The following ATP2B2 variants were observed in gnomAD, a reference collection of about 807,000 sequenced individuals.
The protein encoded by ATP2B2 is plasma membrane calcium-transporting ATPase 2.
A neutral mutation model predicts 120.0 loss-of-function variants in ATP2B2; 15 were observed. That is an observed-to-expected ratio of 0.12 (90% confidence interval 0.08 to 0.19). ATP2B2 has a LOEUF of 0.19. Among genes scored for constraint, ATP2B2 ranks in the 10% least tolerant of loss-of-function variants. The probability of loss-of-function intolerance (pLI) is 1.00; values close to 1 mark genes in which losing one functional copy is unlikely to be tolerated. For missense variants in ATP2B2, 1,045 were observed against 1,719.8 expected (o/e 0.61, Z 6.94); for synonymous variants, 694 against 700.3 (o/e 0.99, Z 0.14).
At chr3:10,656,894 C>T (rs1481735573) in intron 1 of ATP2B2, among the ~76,000 whole-genome samples, 1 of 152,172 alleles carries the variant, frequency 6.6e-6, no homozygotes, top group African/African-American at 2.4e-5. Context: ...ATGCTAAGGC[C>T]CTGGGGCAGG....
intron 1 of ATP2B2, among the ~76,000 whole-genome samples, chr3:10,691,552 TCACGTTCACCTCTTCTGTTTCTC>T (rs2071663321): frequency 1.3e-5 from 2 of 152,174 alleles, no homozygotes; most frequent in Non-Finnish European, 2.9e-5. Context: ...ACCACCCAGC[TCACGTTCACCTCTTCTGTTTCTC>T]CACGTCAGCT....
At position 10,360,096 on chromosome 3, in the gene ATP2B2, G is replaced by C. The variant is rs768204746; in HGVS notation, c.1687C>G (p.Arg563Gly). 3.7e-6 allele frequency: 6 copies of C among 1,601,440 alleles called. No individual in the cohort carries two copies. Among genetic ancestry groups the C allele is most frequent in the Non-Finnish European group, 5.1e-6 (6 of 1,170,634 alleles). Residue 563 changes from arginine (R) to glycine (G), a missense_variant, in exon 13 of 23, where the codon CGG (arginine) becomes GGG (glycine). By Grantham distance (125) the Arg-to-Gly change is moderately radical. Coordinates refer to ENST00000360273, the MANE Select transcript of ATP2B2 (RefSeq NM_001001331.4). ...CACTCCGTCTTGTTGCCCACCTGCC[G>C]AGGCAGGGCGCCCTCCTTCTCTGGG... ...LPPEKEGALP[R>G]QVGNKTECGL...
chr3:10,588,899 CAA>C (rs1306060978), intron 2 of ATP2B2, among the ~76,000 whole-genome samples: 1 of 152,168 alleles, frequency 6.6e-6, no homozygotes, highest in Non-Finnish European at 1.5e-5. Flanking sequence ...CATCTGGATT[CAA>C]AGAGAGTTGT....
chr3:10,331,101 G>A (rs1030127688), intron 22 of ATP2B2, among the ~76,000 whole-genome samples: 2 of 152,192 alleles, frequency 1.3e-5, no homozygotes, highest in Non-Finnish European at 2.9e-5. Context: ...TGCTGGAATT[G>A]TGCTTTAAAT....
chr3:10,346,152 G>A lies in ATP2B2; in HGVS notation c.2405-15C>T, dbSNP rs1574968941. 1 of 1,607,976 alleles carries A rather than the reference G, an allele frequency of 6.2e-7. No individual in the cohort carries two copies. The highest frequency in any genetic ancestry group is 2.2e-5 in the East Asian group (1 of 44,872). On this transcript the variant is annotated splice_polypyrimidine_tract_variant and intron_variant, in intron 16 of 22. Coordinates refer to ENST00000360273, the MANE Select transcript of ATP2B2 (RefSeq NM_001001331.4). The surrounding 1 kb of genome is among the most constrained non-coding windows in gnomAD (Gnocchi z 4.1). Reference sequence around the variant, plus strand: ...GTCGATGATGCCTGTTGGGGCAGGAGTGTGCTCAGGCCCTGGGCCACTCAG... The same window carrying A: ...GTCGATGATGCCTGTTGGGGCAGGAATGTGCTCAGGCCCTGGGCCACTCAG...
intron 2 of ATP2B2, among the ~76,000 whole-genome samples, chr3:10,539,501 CATGGTACCAAAACAGA>C: frequency 6.6e-6 from 1 of 151,980 alleles, no homozygotes; most frequent in African/African-American, 2.4e-5. Context: ...ACCAAAACAG[CATGGTACCAAAACAGA>C]GATACAGACC....
At chr3:10,621,629 A>T (rs1390713905) in intron 1 of ATP2B2, among the ~76,000 whole-genome samples, 1 of 152,206 alleles carries the variant, frequency 6.6e-6, no homozygotes, top group Non-Finnish European at 1.5e-5. Context: ...CCATGTCAGG[A>T]GACGGGGAGT....
upstream of ATP2B2, among the ~76,000 whole-genome samples, chr3:10,505,906 C>G (rs950456556): frequency 6.6e-5 from 10 of 151,996 alleles, no homozygotes; most frequent in African/African-American, 2.4e-4. Flanking sequence ...TGCCCGCTCC[C>G]CAGAAGCAGG....
At chr3:10,420,944 G>A (rs1353750475) in intron 2 of ATP2B2, among the ~76,000 whole-genome samples, 2 of 152,222 alleles carry the variant, frequency 1.3e-5, no homozygotes, top group African/African-American at 4.8e-5. Context: ...AGTTAGAAGA[G>A]CTCCCCAGGG....
At chr3:10,700,971 A>G (rs2071809087) in intron 1 of ATP2B2, among the ~76,000 whole-genome samples, 1 of 152,274 alleles carries the variant, frequency 6.6e-6, no homozygotes, top group Admixed American at 6.5e-5. Flanking sequence ...TGGCCAAAGT[A>G]AGGCATGTGG....
chr3:10,517,370 G>T (rs1413008484), intron 3 of ATP2B2, among the ~76,000 whole-genome samples: 1 of 152,208 alleles, frequency 6.6e-6, no homozygotes, highest in Non-Finnish European at 1.5e-5. Context: ...AAATATTCTG[G>T]GTCCTGGTCC....
chr3:10,435,458 C>T (rs79160414), intron 2 of ATP2B2, among the ~76,000 whole-genome samples: 3,537 of 152,254 alleles, frequency 0.023, 48 homozygotes, highest in South Asian at 0.05. Context: ...CCACCCTGTC[C>T]CCATTTTGAG....
At chr3:10,332,952 G>A (rs1489835247) in intron 22 of ATP2B2, among the ~76,000 whole-genome samples, 1 of 152,146 alleles carries the variant, frequency 6.6e-6, no homozygotes, top group African/African-American at 2.4e-5. Flanking sequence ...AAACAACCTC[G>A]TTTTTGAGTT....
At chr3:10,689,912 A>G (rs1233721707) in intron 1 of ATP2B2, among the ~76,000 whole-genome samples, 1 of 152,220 alleles carries the variant, frequency 6.6e-6, no homozygotes, top group African/African-American at 2.4e-5. Context: ...GGGTGAACAG[A>G]GGAATGGGGA....
intron 1 of ATP2B2, among the ~76,000 whole-genome samples, chr3:10,496,732 T>G (rs547403450): frequency 6.6e-6 from 1 of 152,202 alleles, no homozygotes; most frequent in East Asian, 1.9e-4. Context: ...CAGCTTCGAA[T>G]TTTAGACATT....
chr3:10,568,194 G>T (rs1246105412), intron 2 of ATP2B2, among the ~76,000 whole-genome samples: 2 of 152,194 alleles, frequency 1.3e-5, no homozygotes, highest in Non-Finnish European at 2.9e-5. Flanking sequence ...CCACACCAAG[G>T]ACAGCTCGCT....
At chr3:10,365,682 A>G (rs980493712) in intron 12 of ATP2B2, among the ~76,000 whole-genome samples, 23 of 144,156 alleles carry the variant, frequency 1.6e-4, no homozygotes, top group Admixed American at 6.8e-4. Flanking sequence ...GTGTGTGTGT[A>G]TATGATGTGT....
At chr3:10,361,145 C>T (rs899138016) in intron 12 of ATP2B2, among the ~76,000 whole-genome samples, 1 of 152,218 alleles carries the variant, frequency 6.6e-6, no homozygotes, top group Non-Finnish European at 1.5e-5. Context: ...GACTGTCCCT[C>T]ATGAGTTCAA....
chr3:10,423,498 C>T (rs1048682942), intron 2 of ATP2B2, among the ~76,000 whole-genome samples: 4 of 152,300 alleles, frequency 2.6e-5, no homozygotes, highest in Admixed American at 6.5e-5. Flanking sequence ...CAAATGACGG[C>T]CATTTCATAT....
Sources: allele counts gnomAD v4.1 joint callset (sites outside exome capture counted in the v4.1 genomes callset), GRCh38; gene constraint gnomAD v4.1.1; non-coding constraint Gnocchi (gnomAD v3.1); transcripts MANE v1.5; gene names NCBI Gene and HGNC (gene_info 2026-07-23, HGNC 2026-07-21).